Variants in PDE5A observed in about 807,000 individuals in gnomAD.
PDE5A encodes the protein cGMP-specific 3',5'-cyclic phosphodiesterase.
Under a neutral mutation model 110.2 loss-of-function variants are expected in PDE5A, and 67 were observed. That is an observed-to-expected ratio of 0.61 (90% CI 0.50 to 0.75). The LOEUF is 0.75. PDE5A is among the 30% of genes least tolerant of loss of function. The pLI is 0.00. For missense variants in PDE5A, 862 were observed against 1,045.1 expected, an observed-to-expected ratio of 0.82 and a Z score of 2.42; for synonymous variants, 328 against 351.2, an observed-to-expected ratio of 0.93 and a Z score of 0.74.
intron 1 of PDE5A, among the ~76,000 whole-genome samples, chr4:119,618,621 CT>C (rs35062994): frequency 6.6e-5 from 10 of 150,888 alleles, no homozygotes; most frequent in African/African-American, 1.9e-4. Context: ...TACTTAGAGA[CT>C]TTTTTTTTGT....
At chr4:119,595,464 G>C (rs10021460) in intron 3 of PDE5A, among the ~76,000 whole-genome samples, 115,094 of 151,850 alleles carry the variant, frequency 0.76, 43,953 homozygotes, top group East Asian at 0.89. Context: ...ATTAGCATTT[G>C]AATCAGTAGA....
At chr4:119,598,698 T>C (rs926579878) in intron 2 of PDE5A, among the ~76,000 whole-genome samples, 8 of 152,198 alleles carry the variant, frequency 5.3e-5, no homozygotes, top group Non-Finnish European at 1.2e-4. Flanking sequence ...CCATTCAACA[T>C]TCTGGCTTTC....
intron 3 of PDE5A, among the ~76,000 whole-genome samples, chr4:119,577,533 T>C (rs1728403115): frequency 6.6e-6 from 1 of 152,172 alleles, no homozygotes; most frequent in African/African-American, 2.4e-5. Context: ...TGGTTCAACA[T>C]ATGCAAATCA....
chr4:119,556,949 G>T lies in PDE5A; in HGVS notation c.1200-3203C>A, dbSNP rs1018651299. Among the ~76,000 whole-genome samples, 8 of 152,248 alleles carry T rather than the reference G, an allele frequency of 5.3e-5. 1 individual carries two copies. The highest frequency in any genetic ancestry group is 1.9e-4 in the African/African-American group (8 of 41,566). Reference sequence around the variant, plus strand: ...TTGAAAGTGTAATACAAGGAATATGGATCTCATTCTTTTACTGATGGGAAT... The same window carrying T: ...TTGAAAGTGTAATACAAGGAATATGTATCTCATTCTTTTACTGATGGGAAT... On this transcript the variant is annotated intron_variant, in intron 7 of 20. Coordinates refer to ENST00000354960, the MANE Select transcript of PDE5A (RefSeq NM_001083.4).
chr4:119,606,656 C>T (rs1729539409), intron 2 of PDE5A, 53 bp downstream of exon 2: 1 of 1,338,738 alleles, frequency 7.5e-7, no homozygotes, highest in Non-Finnish European at 1.1e-6. Context: ...GTACCCGCCC[C>T]AGCCATAGTC....
intron 3 of PDE5A, among the ~76,000 whole-genome samples, chr4:119,595,890 G>A (rs1338040575): frequency 6.6e-6 from 1 of 152,164 alleles, no homozygotes; most frequent in East Asian, 1.9e-4. Flanking sequence ...GACTTCTCCA[G>A]TTGGTTGTAA....
At chr4:119,545,352 A>G (rs1380164110) in intron 9 of PDE5A, among the ~76,000 whole-genome samples, 1 of 152,180 alleles carries the variant, frequency 6.6e-6, no homozygotes, top group Non-Finnish European at 1.5e-5. Context: ...TGAAATTTAA[A>G]ACTGAAATTT....
At chr4:119,516,464 AAC>A (rs1033344233) in intron 14 of PDE5A, among the ~76,000 whole-genome samples, 2 of 152,212 alleles carry the variant, frequency 1.3e-5, no homozygotes, top group Admixed American at 1.3e-4. Flanking sequence ...ATGCATCTAC[AAC>A]AGTCTTCTTA....
intron 10 of PDE5A, among the ~76,000 whole-genome samples, chr4:119,540,369 C>T (rs1726883663): frequency 6.6e-6 from 1 of 152,122 alleles, no homozygotes; most frequent in Non-Finnish European, 1.5e-5. Context: ...CACTACATTG[C>T]ATCTTTCTTG....
chr4:119,577,698 G>A (rs1046537303), intron 3 of PDE5A, among the ~76,000 whole-genome samples: 3 of 152,116 alleles, frequency 2.0e-5, no homozygotes, highest in Non-Finnish European at 2.9e-5. Context: ...AAAATAATAA[G>A]AGCTATCTAT....
Position 119,498,667 on chromosome 4 carries a change from C to G in PDE5A, c.2562G>C (p.Gln854His). ...TCTTCTCCTGCTGTTCTGCAAGGGC[C>G]TGCCATTTCTGCCTGTTCTTTCTGC... ...DGCRKNRQKWQALAEQQEKML... is the reference protein window; with the variant it reads ...DGCRKNRQKWHALAEQQEKML... The change falls in exon 21 of 21, where the codon CAG becomes CAC. Residue 854 changes from glutamine (Q) to histidine (H), a missense_variant. Gln to His is a conservative substitution (Grantham distance 24). Coordinates refer to ENST00000354960, the MANE Select transcript of PDE5A (RefSeq NM_001083.4). 6.2e-7 allele frequency: 1 copy of G among 1,614,028 alleles called. No homozygotes were observed. The highest frequency in any genetic ancestry group is 1.1e-5 in the South Asian group (1 of 91,082).
intron 7 of PDE5A, among the ~76,000 whole-genome samples, chr4:119,559,280 T>G (rs1727659569): frequency 6.6e-6 from 1 of 152,122 alleles, no homozygotes; most frequent in African/African-American, 2.4e-5. Flanking sequence ...CAGCTACTGC[T>G]AAAAGAAATT....
intron 1 of PDE5A, among the ~76,000 whole-genome samples, chr4:119,612,722 A>G (rs1193209499): frequency 1.3e-5 from 2 of 152,222 alleles, no homozygotes; most frequent in African/African-American, 4.8e-5. Context: ...ATGAGGAAGA[A>G]GCCTCCACCA....
intron 1 of PDE5A, among the ~76,000 whole-genome samples, chr4:119,625,850 A>C (rs887364254): frequency 1.3e-5 from 2 of 152,164 alleles, no homozygotes; most frequent in African/African-American, 4.8e-5. Flanking sequence ...CCATCCTCTT[A>C]TTCACATTTT....
At chr4:119,541,528 A>G (rs1578757710) in intron 10 of PDE5A, among the ~76,000 whole-genome samples, 2 of 152,104 alleles carry the variant, frequency 1.3e-5, no homozygotes, top group African/African-American at 4.8e-5. Flanking sequence ...ACCTATTAGT[A>G]TAATATATTC....
At chr4:119,603,291 C>T (rs905087750) in intron 2 of PDE5A, among the ~76,000 whole-genome samples, 2 of 152,182 alleles carry the variant, frequency 1.3e-5, no homozygotes, top group Non-Finnish European at 2.9e-5. Flanking sequence ...AGGACCATAG[C>T]CACTTCTCGT....
At chr4:119,587,464 A>C (rs1351616515) in intron 3 of PDE5A, among the ~76,000 whole-genome samples, 1 of 151,926 alleles carries the variant, frequency 6.6e-6, no homozygotes, top group Admixed American at 6.6e-5. Context: ...GCTCACTGCA[A>C]GCTCCGCTTC....
chr4:119,571,175 C>T (rs1728129708), intron 3 of PDE5A, among the ~76,000 whole-genome samples: 1 of 152,164 alleles, frequency 6.6e-6, no homozygotes, highest in Admixed American at 6.6e-5. Flanking sequence ...GGCTTTCTGA[C>T]TTCTCTTCTG....
chr4:119,498,797 ACAGGC>A, intron 20 of PDE5A, 59 bp from the exon 21 acceptor site: 4 of 1,589,940 alleles, frequency 2.5e-6, no homozygotes, highest in Non-Finnish European at 3.4e-6. Context: ...GTCCTCTCCC[ACAGGC>A]CTGTTACAAA....
Sources: gnomAD v4.1 joint callset for allele counts (sites outside exome capture counted in the v4.1 genomes callset) on GRCh38, gnomAD v4.1.1 for gene constraint, MANE v1.5 for transcripts, NCBI Gene and HGNC (gene_info 2026-07-23, HGNC 2026-07-21) for gene names.